CUX1: variants seen among roughly 807,000 people sequenced by gnomAD.
CUX1 encodes protein CASP.
A neutral mutation model predicts 158.8 loss-of-function variants in CUX1; 31 were observed. That is an observed-to-expected ratio of 0.20 (90% CI 0.15 to 0.26). The LOEUF (loss-of-function observed/expected upper bound fraction) is 0.26, where lower values mean the gene tolerates loss of function less well. CUX1 is among the 10% of genes least tolerant of loss of function. CUX1 has a pLI of 1.00. For missense variants in CUX1, 1,589 were observed against 2,014.6 expected, an observed-to-expected ratio of 0.79 and a Z score of 4.04; for synonymous variants, 879 against 862.1, an observed-to-expected ratio of 1.02 and a Z score of -0.34.
intron 1 of CUX1, among the ~76,000 whole-genome samples, chr7:101,845,947 T>A (rs1292065916): frequency 6.6e-6 from 1 of 151,622 alleles, no homozygotes; most frequent in Non-Finnish European, 1.5e-5. Context: ...GTCGGAGATT[T>A]CAGTGAGCCG....
At chr7:102,214,960 A>G (rs1796905898) in intron 20 of CUX1, among the ~76,000 whole-genome samples, 1 of 152,186 alleles carries the variant, frequency 6.6e-6, no homozygotes, top group South Asian at 2.1e-4. Flanking sequence ...CTACCTTTAT[A>G]CCAGCTTTGC....
chr7:102,066,414 T>C (rs1563198233), intron 3 of CUX1, among the ~76,000 whole-genome samples: 2 of 152,114 alleles, frequency 1.3e-5, no homozygotes, highest in Non-Finnish European at 2.9e-5. Context: ...GACTTCATCA[T>C]CTTTCAAGAG....
At chr7:102,275,413 G>T in intron 17 of CUX1, 6 of 1,370,458 alleles carry the variant, frequency 4.4e-6, no homozygotes, top group Non-Finnish European at 6.2e-6. Flanking sequence ...ACACAGTTGG[G>T]GAACACACAG....
chr7:102,021,620 T>C (rs1214822947), intron 2 of CUX1, among the ~76,000 whole-genome samples: 1 of 54,556 alleles, frequency 1.8e-5, no homozygotes, highest in African/African-American at 8.3e-5. Context: ...TTCTCTTTTT[T>C]TTTTTTTTTT....
chr7:102,247,212 G>GA (rs782608499), intron 23 of CUX1, among the ~76,000 whole-genome samples: 2,135 of 133,726 alleles, frequency 0.016, 44 homozygotes, highest in African/African-American at 0.054. Context: ...ATAAGGAAAG[G>GA]AAAAAAAAAA....
Position 102,083,346 on chromosome 7 carries a change from G to A in CUX1, c.268+12929G>A, listed in dbSNP as rs1017619717. On this transcript the variant is annotated intron_variant, in intron 4 of 23. Coordinates refer to ENST00000292535, the MANE Select transcript of CUX1 (RefSeq NM_181552.4). ...TTTGGAGACAGGGTCTTGCTCTGTTGCCCAGGCTGGAGTGTAGTGATATAG... is the reference window on the plus strand; with the variant it reads ...TTTGGAGACAGGGTCTTGCTCTGTTACCCAGGCTGGAGTGTAGTGATATAG... 2.7e-5 allele frequency among the ~76,000 whole-genome samples: 4 copies of A among 147,084 alleles called. No individual in the cohort carries two copies. The East Asian group carries it at 5.8e-4, about 21-fold the overall frequency.
chr7:102,041,256 C>CTTT (rs11427183), intron 3 of CUX1, among the ~76,000 whole-genome samples: 11,306 of 69,874 alleles, frequency 0.16, 3,520 homozygotes, highest in South Asian at 0.2. Context: ...CTTATCCATT[C>CTTT]TTTTTTTTTT....
chr7:101,876,315 A>G (rs1294420859), intron 1 of CUX1, among the ~76,000 whole-genome samples: 1 of 144,820 alleles, frequency 6.9e-6, no homozygotes, highest in East Asian at 2.0e-4. Context: ...ACTGCGTTCC[A>G]GCCTGGGCGA....
intron 14 of CUX1, among the ~76,000 whole-genome samples, chr7:102,271,217 A>G (rs1038103544): frequency 6.6e-6 from 1 of 152,140 alleles, no homozygotes; most frequent in Non-Finnish European, 1.5e-5. Context: ...CTGAGGTGGA[A>G]TGTGGCTTCC....
intron 9 of CUX1, 145 bp from the exon 10 acceptor site, chr7:102,170,301 G>T: frequency 1.6e-6 from 1 of 621,120 alleles, no homozygotes; most frequent in Non-Finnish European, 2.8e-6. Context: ...CACATTCTGT[G>T]TTTTTTTTCC....
intron 3 of CUX1, among the ~76,000 whole-genome samples, chr7:102,028,552 G>C (rs906715540): frequency 6.6e-6 from 1 of 152,324 alleles, no homozygotes. Flanking sequence ...AGAGGCTGGC[G>C]GGGGCACAGG....
At chr7:101,883,461 C>T (rs539578470) in intron 1 of CUX1, among the ~76,000 whole-genome samples, 17 of 152,234 alleles carry the variant, frequency 1.1e-4, no homozygotes, top group Admixed American at 2.0e-4. Context: ...CTTTTATTAG[C>T]CAATGTTACA....
chr7:102,160,209 T>TAG (rs1790283678), intron 9 of CUX1, among the ~76,000 whole-genome samples: 7 of 150,812 alleles, frequency 4.6e-5, no homozygotes, highest in Admixed American at 4.0e-4. Flanking sequence ...CTGGAAGGAG[T>TAG]TACCTTCATC....
intron 4 of CUX1, among the ~76,000 whole-genome samples, chr7:102,082,602 G>A (rs1435934673): frequency 1.4e-5 from 2 of 147,300 alleles, no homozygotes; most frequent in African/African-American, 4.9e-5. Context: ...TCACAGTCAA[G>A]ATGTAGAACA....
intron 2 of CUX1, among the ~76,000 whole-genome samples, chr7:102,003,610 G>C (rs1207520501): frequency 1.3e-5 from 2 of 152,140 alleles, no homozygotes; most frequent in Non-Finnish European, 2.9e-5. Flanking sequence ...GGGCTCTGGT[G>C]CAGCCCCACC....
At chr7:101,996,122 AAGAG>A (rs915571965) in intron 2 of CUX1, among the ~76,000 whole-genome samples, 3 of 151,840 alleles carry the variant, frequency 2.0e-5, no homozygotes, top group Admixed American at 6.6e-5. Flanking sequence ...AAAAAAAAAA[AAGAG>A]AGAGAGATGC....
intron 20 of CUX1, among the ~76,000 whole-genome samples, chr7:102,221,676 ACT>A (rs1797812018): frequency 6.7e-6 from 1 of 150,152 alleles, no homozygotes. Flanking sequence ...GCCTTGAGTC[ACT>A]ATCTCTGCTT....
intron 3 of CUX1, among the ~76,000 whole-genome samples, chr7:102,058,819 G>C (rs1726117393): frequency 6.6e-6 from 1 of 152,246 alleles, no homozygotes; most frequent in Admixed American, 6.5e-5. Flanking sequence ...ACCCGAGGGA[G>C]GTAGGAGAGG....
intron 3 of CUX1, among the ~76,000 whole-genome samples, chr7:102,056,076 C>T (rs1186253578): frequency 1.3e-5 from 2 of 152,046 alleles, no homozygotes; most frequent in South Asian, 2.1e-4. Context: ...GGGAAGCTAC[C>T]GAATAAAAGT....
Sources: gnomAD v4.1 joint callset for allele counts (sites outside exome capture counted in the v4.1 genomes callset) on GRCh38, gnomAD v4.1.1 for gene constraint, MANE v1.5 for transcripts, NCBI Gene and HGNC (gene_info 2026-07-23, HGNC 2026-07-21) for gene names.